The following RNF144A variants were observed in gnomAD, a reference collection of about 807,000 sequenced individuals.
RNF144A encodes E3 ubiquitin-protein ligase RNF144A.
In RNF144A, 11 loss-of-function variants were observed where a neutral mutation model predicts 38.7. The ratio of observed to expected loss-of-function variants is 0.28; its 90% CI spans 0.18 to 0.47. The LOEUF (loss-of-function observed/expected upper bound fraction) is 0.47, where lower values mean the gene tolerates loss of function less well. Among genes scored for constraint, RNF144A ranks in the 20% least tolerant of loss-of-function variants. The pLI, the probability that RNF144A is intolerant of heterozygous loss-of-function variation, is 0.99. For synonymous variants in RNF144A, 149 were observed against 143.9 expected, an observed-to-expected ratio of 1.04 and a Z score of -0.25; for missense variants, 316 against 377.2, an observed-to-expected ratio of 0.84 and a Z score of 1.34.
chr2:7,044,066 T>G lies in RNF144A; in HGVS notation c.*4306T>G, dbSNP rs576430351. Reference sequence around the variant, plus strand: ...TGGAATCATATGGAAAAAGTTTGATTTGTAATTTCAATACATATTTTAAAT... The same window carrying G: ...TGGAATCATATGGAAAAAGTTTGATGTGTAATTTCAATACATATTTTAAAT... On this transcript the variant is annotated 3_prime_UTR_variant, in exon 9 of 9. Coordinates refer to ENST00000320892, the MANE Select transcript of RNF144A (RefSeq NM_014746.6). The G allele has an allele frequency of 3.8e-4, 374 of 985,848 alleles. No homozygotes were observed. Among genetic ancestry groups the G allele is most frequent in the Middle Eastern group, 1.6e-3 (3 of 1,914 alleles). 61.1% of individuals were successfully genotyped at this position (985,848 alleles called of 1,614,324 possible). A position where few individuals can be genotyped will look rare whatever the true frequency, so the allele number is the denominator to read the frequency against.
intron 2 of RNF144A, among the ~76,000 whole-genome samples, chr2:6,965,837 G>T (rs1667635094): frequency 6.6e-6 from 1 of 151,954 alleles, no homozygotes; most frequent in Admixed American, 6.6e-5. Flanking sequence ...CAGAAAATTT[G>T]CCTATCAGGG....
chr2:7,009,063 G>C (rs1670631142), intron 3 of RNF144A, among the ~76,000 whole-genome samples: 1 of 151,888 alleles, frequency 6.6e-6, no homozygotes, highest in Non-Finnish European at 1.5e-5. Flanking sequence ...CATTACCCCT[G>C]GCCTTATCTA....
chr2:7,005,546 A>G (rs574027269), intron 3 of RNF144A, among the ~76,000 whole-genome samples: 1 of 150,652 alleles, frequency 6.6e-6, no homozygotes, highest in South Asian at 2.1e-4. Flanking sequence ...CCAAGCTGGC[A>G]GTTTCCAGCT....
chr2:6,942,268 G>A (rs186196389), intron 2 of RNF144A, among the ~76,000 whole-genome samples: 82 of 151,192 alleles, frequency 5.4e-4, no homozygotes, highest in Middle Eastern at 6.9e-3. Flanking sequence ...CTCAGAGGAC[G>A]TTAGAAAGGG....
At chr2:6,973,899 C>T (rs1217341096) in intron 2 of RNF144A, among the ~76,000 whole-genome samples, 8 of 152,362 alleles carry the variant, frequency 5.3e-5, no homozygotes, top group African/African-American at 1.9e-4. Context: ...CCATGATCCA[C>T]AAAGCCTGAA....
chr2:6,929,185 A>T (rs903147072), intron 1 of RNF144A, among the ~76,000 whole-genome samples: 2 of 152,254 alleles, frequency 1.3e-5, no homozygotes, highest in Non-Finnish European at 2.9e-5. Flanking sequence ...ATGCATAGTT[A>T]CATAGAAATT....
At chr2:7,017,093 T>C (rs1432656416) in intron 5 of RNF144A, among the ~76,000 whole-genome samples, 1 of 152,150 alleles carries the variant, frequency 6.6e-6, no homozygotes, top group African/African-American at 2.4e-5. Flanking sequence ...TGGATGCCTC[T>C]TGCTGCGTGG....
chr2:6,941,830 C>T lies in RNF144A; in HGVS notation c.-12+683C>T, dbSNP rs1397658702. On this transcript the variant is annotated intron_variant, in intron 2 of 8. Coordinates refer to ENST00000320892, the MANE Select transcript of RNF144A (RefSeq NM_014746.6). This position sits in a 1 kb window ranked among gnomAD's most constrained non-coding sequence, Gnocchi z 6.5. ...GCGCTGTAGACAGAAGGGCTGGTGG[C>T]TGCAGCATACGGACAGCTGGAGGAG... Among the ~76,000 whole-genome samples the T allele has an allele frequency of 2.0e-5, 3 of 152,224 alleles. No homozygotes were observed. Among genetic ancestry groups the T allele is most frequent in the Non-Finnish European group, 2.9e-5 (2 of 68,036 alleles).
At chr2:7,048,638 A>G (rs1346637595), downstream of RNF144A, among the ~76,000 whole-genome samples, 5 of 152,138 alleles carry the variant, frequency 3.3e-5, no homozygotes, top group African/African-American at 1.2e-4. Flanking sequence ...GTTGCTTGGA[A>G]TTAGGGGGTG....
chr2:6,989,926 C>G (rs1366108847), intron 2 of RNF144A, among the ~76,000 whole-genome samples: 2 of 151,984 alleles, frequency 1.3e-5, no homozygotes, highest in African/African-American at 4.8e-5. Flanking sequence ...AGGTTCCAAC[C>G]AAATTGAACA....
intron 2 of RNF144A, among the ~76,000 whole-genome samples, chr2:6,949,042 G>A (rs1010216220): frequency 5.3e-5 from 8 of 152,312 alleles, no homozygotes; most frequent in Admixed American, 4.6e-4. Flanking sequence ...GCCATGCGAG[G>A]TGACCACGTG....
chr2:7,075,751 A>G, the RNF144A span, among the ~76,000 whole-genome samples: 3 of 152,152 alleles, frequency 2.0e-5, no homozygotes, highest in African/African-American at 7.2e-5. Context: ...GCAACAGAAA[A>G]TGGATTAAGA....
intron 2 of RNF144A, among the ~76,000 whole-genome samples, chr2:6,988,032 G>GT (rs1208013307): frequency 6.6e-6 from 1 of 152,156 alleles, no homozygotes; most frequent in Non-Finnish European, 1.5e-5. Flanking sequence ...GAACTAATCT[G>GT]TTTAACTATA....
At chr2:7,061,504 C>T (rs1673955181) in intron 6 of RNF144A, among the ~76,000 whole-genome samples, 1 of 152,102 alleles carries the variant, frequency 6.6e-6, no homozygotes. Flanking sequence ...CCAAGATGAG[C>T]AAAATAATCT....
rs539592184 is a variant in RNF144A at position 6,962,102 on chromosome 2, G to A, written c.-12+20955G>A. Among the ~76,000 whole-genome samples, 3 of 152,290 alleles carry A rather than the reference G, an allele frequency of 2.0e-5. No individual in the cohort carries two copies. The highest frequency in any genetic ancestry group is 2.4e-5 in the African/African-American group (1 of 41,566). On this transcript the variant is annotated intron_variant, in intron 2 of 8. Coordinates refer to ENST00000320892, the MANE Select transcript of RNF144A (RefSeq NM_014746.6). This position sits in a 1 kb window ranked among gnomAD's most constrained non-coding sequence, Gnocchi z 4.1. ...TGGAAAAATGCGTTGTGGGATCCAC[G>A]GTGAAATGCAGGGGGTTTTATAGAT...
intron 6 of RNF144A, chr2:7,062,978 G>C (rs1674037709): frequency 2.6e-5 from 4 of 152,164 alleles, no homozygotes; most frequent in Admixed American, 2.6e-4. Flanking sequence ...TTTTTGACCT[G>C]AGTACTGAGG....
chr2:6,925,696 G>A lies in RNF144A; in HGVS notation c.-212+8074G>A, dbSNP rs181661101. Among the ~76,000 whole-genome samples the A allele has an allele frequency of 2.6e-5, 4 of 152,230 alleles. No individual in the cohort carries two copies. The East Asian group carries it at 7.7e-4, about 29-fold the overall frequency. ...CTGTCTTCTCTGTCTCTGCGCTGGG[G>A]GTGCACCTCTTCTCACAAGGACTTC... On this transcript the variant is annotated intron_variant, in intron 1 of 8. Coordinates refer to ENST00000320892, the MANE Select transcript of RNF144A (RefSeq NM_014746.6).
chr2:7,048,985 CG>C (rs1673414673), downstream of RNF144A, among the ~76,000 whole-genome samples: 1 of 152,162 alleles, frequency 6.6e-6, no homozygotes, highest in Non-Finnish European at 1.5e-5. Flanking sequence ...TCCTCCCCAC[CG>C]GGGGCTCAGG....
At chr2:7,073,784 GT>G in the RNF144A span, among the ~76,000 whole-genome samples, 1 of 152,174 alleles carries the variant, frequency 6.6e-6, no homozygotes, top group Non-Finnish European at 1.5e-5. Flanking sequence ...ATATAAATTG[GT>G]CCTTGTAGGG....
Sources: gnomAD v4.1 joint callset for allele counts (sites outside exome capture counted in the v4.1 genomes callset) on GRCh38, gnomAD v4.1.1 for gene constraint, Gnocchi (gnomAD v3.1) non-coding constraint, MANE v1.5 for transcripts, NCBI Gene and HGNC (gene_info 2026-07-23, HGNC 2026-07-21) for gene names.